The following FAT3 variants were observed in gnomAD, a reference collection of about 807,000 sequenced individuals.
The protein encoded by FAT3 is protocadherin Fat 3.
FAT3 carries 95 observed loss-of-function variants against 310.2 expected under a neutral mutation model. The observed-to-expected ratio is 0.31, with a 90% CI of 0.26 to 0.36. The LOEUF (loss-of-function observed/expected upper bound fraction) is 0.36. Ranked by LOEUF, FAT3 falls within the 10% of genes least tolerant of loss-of-function variation. The probability of loss-of-function intolerance (pLI) is 1.00; values close to 1 mark genes in which losing one functional copy is unlikely to be tolerated. For synonymous variants in FAT3, 2,314 were observed against 2,192.9 expected (o/e 1.06, Z -1.54); for missense variants, 5,408 against 5,715.6 (o/e 0.95, Z 1.74).
intron 1 of FAT3, among the ~76,000 whole-genome samples, chr11:92,264,469 C>A (rs1389848636): frequency 2.6e-5 from 4 of 152,162 alleles, no homozygotes; most frequent in Non-Finnish European, 5.9e-5. Flanking sequence ...TAAGAGTCAT[C>A]TCTACCCTTT....
chr11:92,480,196 C>T (rs1952180543), intron 2 of FAT3, among the ~76,000 whole-genome samples: 1 of 152,098 alleles, frequency 6.6e-6, no homozygotes, highest in African/African-American at 2.4e-5. Context: ...ACCCAAGAGG[C>T]AGAGCTTACC....
intron 1 of FAT3, among the ~76,000 whole-genome samples, chr11:92,261,048 G>T (rs1865531652): frequency 6.6e-6 from 1 of 152,006 alleles, no homozygotes; most frequent in African/African-American, 2.4e-5. Context: ...AGAAAGAATT[G>T]TATCATTTAT....
chr11:92,330,762 G>A (rs1301004733), intron 1 of FAT3, among the ~76,000 whole-genome samples: 1 of 152,066 alleles, frequency 6.6e-6, no homozygotes, highest in Non-Finnish European at 1.5e-5. Context: ...TTTGAATGTT[G>A]CTATTATGCC....
At chr11:92,534,445 T>C (rs1460452656) in intron 3 of FAT3, among the ~76,000 whole-genome samples, 3 of 152,184 alleles carry the variant, frequency 2.0e-5, no homozygotes, top group Non-Finnish European at 4.4e-5. Context: ...TAATTAATGA[T>C]CCTAGAACTT....
intron 3 of FAT3, among the ~76,000 whole-genome samples, chr11:92,646,764 T>C (rs978062738): frequency 6.6e-6 from 1 of 152,182 alleles, no homozygotes; most frequent in Non-Finnish European, 1.5e-5. Flanking sequence ...AACATTTTGC[T>C]TAAACACAGA....
intron 2 of FAT3, among the ~76,000 whole-genome samples, chr11:92,382,671 G>T (rs1949523183): frequency 6.6e-6 from 1 of 152,078 alleles, no homozygotes; most frequent in South Asian, 2.1e-4. Flanking sequence ...CAACTTTCAG[G>T]TTTTGCTAAT....
chr11:92,565,920 A>G (rs1441338949), intron 3 of FAT3, among the ~76,000 whole-genome samples: 1 of 152,236 alleles, frequency 6.6e-6, no homozygotes, highest in Admixed American at 6.5e-5. Flanking sequence ...ACAAAACCAC[A>G]GCCAATATCG....
chr11:92,628,868 G>A (rs922254374), intron 3 of FAT3, among the ~76,000 whole-genome samples: 1 of 152,146 alleles, frequency 6.6e-6, no homozygotes, highest in Non-Finnish European at 1.5e-5. Context: ...GTGCATGCAC[G>A]TGTGTGCACA....
intron 3 of FAT3, among the ~76,000 whole-genome samples, chr11:92,532,569 A>T (rs1285443247): frequency 6.6e-6 from 1 of 152,210 alleles, no homozygotes; most frequent in Non-Finnish European, 1.5e-5. Context: ...TAGAGAAAAA[A>T]TAATAATAAT....
intron 3 of FAT3, among the ~76,000 whole-genome samples, chr11:92,662,361 G>C (rs1446814762): frequency 6.6e-6 from 1 of 152,170 alleles, no homozygotes; most frequent in Non-Finnish European, 1.5e-5. Context: ...AATTAACAAA[G>C]AAGAGGATGC....
intron 3 of FAT3, among the ~76,000 whole-genome samples, chr11:92,560,961 A>T (rs1955204083): frequency 1.3e-5 from 2 of 152,212 alleles, no homozygotes; most frequent in Non-Finnish European, 2.9e-5. Flanking sequence ...TACTTTAAAA[A>T]TGCCAAAAGA....
chr11:92,523,580 A>G (rs990186723), intron 2 of FAT3, among the ~76,000 whole-genome samples: 1 of 152,198 alleles, frequency 6.6e-6, no homozygotes, highest in Non-Finnish European at 1.5e-5. Context: ...TTTAACAGGA[A>G]TACAGAGGAT....
chr11:92,436,775 C>A (rs1018566508), intron 2 of FAT3, among the ~76,000 whole-genome samples: 1 of 152,170 alleles, frequency 6.6e-6, no homozygotes, highest in Non-Finnish European at 1.5e-5. Flanking sequence ...TTCTGACAGG[C>A]CCACTTTGAT....
chr11:92,666,926 A>G (rs150975153), intron 3 of FAT3, among the ~76,000 whole-genome samples: 19 of 152,246 alleles, frequency 1.2e-4, no homozygotes, highest in African/African-American at 4.1e-4. Context: ...GGTTGTGCCT[A>G]TGCTGCAAGG....
intron 1 of FAT3, among the ~76,000 whole-genome samples, chr11:92,241,710 G>C (rs76377589): frequency 0.042 from 6,312 of 151,978 alleles, 479 homozygotes; most frequent in African/African-American, 0.14. Context: ...CATTTGCTTA[G>C]TTAAAGGGTA....
chr11:92,606,059 T>C (rs551036325), intron 3 of FAT3, among the ~76,000 whole-genome samples: 2 of 152,308 alleles, frequency 1.3e-5, no homozygotes, highest in African/African-American at 4.8e-5. Flanking sequence ...CTTCTGTGTT[T>C]TTCCATCATT....
At chr11:92,789,781 A>G (rs1473963139) in intron 7 of FAT3, among the ~76,000 whole-genome samples, 162 bp from the exon 8 acceptor site, 2 of 152,150 alleles carry the variant, frequency 1.3e-5, no homozygotes, top group Non-Finnish European at 2.9e-5. Flanking sequence ...TCAACCTCTA[A>G]TTACAGAATG....
At chr11:92,437,834 T>C (rs1398298559) in intron 2 of FAT3, among the ~76,000 whole-genome samples, 3 of 152,068 alleles carry the variant, frequency 2.0e-5, no homozygotes, top group Non-Finnish European at 4.4e-5. Context: ...ACATGGAAAG[T>C]AGATTTCAAT....
intron 22 of FAT3, among the ~76,000 whole-genome samples, chr11:92,879,651 A>G (rs962870133): frequency 1.3e-5 from 2 of 152,230 alleles, no homozygotes; most frequent in Admixed American, 6.5e-5. Flanking sequence ...AACCAAAATT[A>G]TAATACTATA....
Sources: allele counts gnomAD v4.1 joint callset (sites outside exome capture counted in the v4.1 genomes callset), GRCh38; gene constraint gnomAD v4.1.1; transcripts MANE v1.5; gene names NCBI Gene and HGNC (gene_info 2026-07-23, HGNC 2026-07-21).